UPF2: variants seen among roughly 807,000 people sequenced by gnomAD.
UPF2 encodes the protein UPF2 regulator of nonsense mediated mRNA decay, also known as regulator of nonsense transcripts 2.
UPF2 carries 17 observed loss-of-function variants against 141.4 expected under a neutral mutation model. The observed-to-expected ratio is 0.12, with a 90% CI of 0.08 to 0.18. UPF2 has a LOEUF of 0.18. Ranked by LOEUF, UPF2 falls within the 10% of genes least tolerant of loss-of-function variation. The pLI, the probability that UPF2 is intolerant of heterozygous loss-of-function variation, is 1.00. For missense variants in UPF2, 1,152 were observed against 1,515.9 expected (o/e 0.76, Z 3.99); for synonymous variants, 540 against 498.0 (o/e 1.08, Z -1.12).
Position 11,953,560 on chromosome 10 carries a change from C to T in UPF2, c.2851-1311G>A, listed in dbSNP as rs1349885272. 1.3e-5 allele frequency among the ~76,000 whole-genome samples: 2 copies of T among 152,180 alleles called. No individual in the cohort carries two copies. Among genetic ancestry groups the T allele is most frequent in the Non-Finnish European group, 2.9e-5 (2 of 68,020 alleles). On this transcript the variant is annotated intron_variant, in intron 14 of 21. Coordinates refer to ENST00000357604, the MANE Select transcript of UPF2 (RefSeq NM_015542.4). The surrounding 1 kb of genome is among the most constrained non-coding windows in gnomAD (Gnocchi z 5.0). ...GAAAATATTTTTGTCTCTTTTGGCT[C>T]CTGAATATTTCTGAGTGTTTCTTTT...
chr10:12,024,804 G>A (rs1180262452), intron 3 of UPF2, among the ~76,000 whole-genome samples: 8 of 151,342 alleles, frequency 5.3e-5, no homozygotes, highest in Admixed American at 4.0e-4. Context: ...ATGGTAGCAC[G>A]TGCCTGTAGT....
chr10:12,025,427 T>G (rs1026998634), intron 3 of UPF2, among the ~76,000 whole-genome samples: 1 of 152,108 alleles, frequency 6.6e-6, no homozygotes, highest in African/African-American at 2.4e-5. Context: ...AGCGCAGGCC[T>G]GTAATCCTAG....
At chr10:12,007,074 T>C (rs1384734721) in intron 4 of UPF2, among the ~76,000 whole-genome samples, 7 of 152,208 alleles carry the variant, frequency 4.6e-5, no homozygotes, top group Non-Finnish European at 2.9e-5. Flanking sequence ...GTCTAGGGTA[T>C]TTTGTTACAG....
At chr10:12,037,542 TGTGCC>T (rs1834654539) in intron 1 of UPF2, among the ~76,000 whole-genome samples, 1 of 151,870 alleles carries the variant, frequency 6.6e-6, no homozygotes. Context: ...ATTATAAGTG[TGTGCC>T]ATCACACTCA....
chr10:12,034,969 C>G (rs1834595493), intron 2 of UPF2, 90 bp downstream of exon 2: 1 of 1,493,110 alleles, frequency 6.7e-7, no homozygotes, highest in African/African-American at 1.4e-5. Context: ...GAGCTGCACC[C>G]AGGACGCTAT....
At chr10:12,021,393 G>C (rs998090743) in intron 3 of UPF2, among the ~76,000 whole-genome samples, 2 of 145,148 alleles carry the variant, frequency 1.4e-5, no homozygotes, top group Admixed American at 1.4e-4. Context: ...TTTTAAATTA[G>C]CCAGGTGTGG....
rs763632387 is a variant in UPF2, at chr10:11,952,192, T to C, written c.2908A>G (p.Ile970Val). 8 of 1,613,576 alleles carry C rather than the reference T, an allele frequency of 5.0e-6. No individual in the cohort carries two copies. Among genetic ancestry groups the C allele is most frequent in the African/African-American group, 1.3e-5 (1 of 74,918 alleles). The change falls in exon 15 of 22, where the codon ATT becomes GTT. Residue 970 changes from isoleucine (I) to valine (V), a missense_variant. By Grantham distance (29) the Ile-to-Val change is conservative. This residue lies in a region of UPF2 where 739 missense variants were observed against 1,032.2 expected (regional missense o/e 0.72). Coordinates refer to ENST00000357604, the MANE Select transcript of UPF2 (RefSeq NM_015542.4). ...EVWTKDHPFP[I>V]DIDYMISDTL... ...TCACTGATCATGTAATCTATATCAA[T>C]AGGAAATGGATGGTCTTTTGTCCAA...
intron 16 of UPF2, 115 bp downstream of exon 16, chr10:11,948,247 CAAAAAAA>C (rs139062017): frequency 2.2e-4 from 106 of 472,560 alleles, no homozygotes; most frequent in Middle Eastern, 6.8e-4. Flanking sequence ...GACTCTGTCT[CAAAAAAA>C]AAAAAAAAAA....
chr10:11,923,501 T>A (rs1832671838), intron 21 of UPF2, among the ~76,000 whole-genome samples: 1 of 151,844 alleles, frequency 6.6e-6, no homozygotes. Flanking sequence ...GCCAAGATGG[T>A]GAAACCCCGT....
chr10:11,947,642 C>T (rs577981338), intron 16 of UPF2, among the ~76,000 whole-genome samples: 4 of 151,242 alleles, frequency 2.6e-5, no homozygotes, highest in Non-Finnish European at 4.4e-5. Context: ...AAATAATTAG[C>T]TGGGCATGGT....
chr10:11,938,910 C>CA (rs1471973437), intron 18 of UPF2, among the ~76,000 whole-genome samples: 1 of 131,736 alleles, frequency 7.6e-6, no homozygotes, highest in Non-Finnish European at 1.5e-5. Flanking sequence ...CTGTCCCCCC[C>CA]ATGCAGAGAG....
At chr10:11,990,580 T>C (rs914240054) in intron 8 of UPF2, among the ~76,000 whole-genome samples, 12 of 149,522 alleles carry the variant, frequency 8.0e-5, no homozygotes, top group African/African-American at 2.2e-4. Context: ...CTCAGGAGGC[T>C]GAGGCAGGAG....
intron 8 of UPF2, among the ~76,000 whole-genome samples, chr10:11,995,379 C>T (rs1833849380): frequency 6.6e-6 from 1 of 152,160 alleles, no homozygotes; most frequent in African/African-American, 2.4e-5. Flanking sequence ...ATCTTGTTAC[C>T]TAATTTTATC....
At position 12,035,328 on chromosome 10, in the gene UPF2, G is replaced by A. The variant is rs1389399446; in HGVS notation, c.96C>T (p.Ser32=). ...EKDCSERRTV[S]SKERPKDDIK... Reference sequence around the variant, plus strand: ...TATCGTCTTTTGGCCTCTCCTTGCTGCTCACTGTCCGCCTTTCACTGCAGT... The same window carrying A: ...TATCGTCTTTTGGCCTCTCCTTGCTACTCACTGTCCGCCTTTCACTGCAGT... The change falls in exon 2 of 22, where the codon AGC becomes AGT. Residue 32 remains serine, a synonymous_variant. Transcript: ENST00000357604. 1 of 1,613,352 alleles carries A rather than the reference G, an allele frequency of 6.2e-7. No homozygotes were observed. Among genetic ancestry groups the A allele is most frequent in the East Asian group, 2.2e-5 (1 of 44,878 alleles).
chr10:11,961,418 G>A (rs980983287), intron 11 of UPF2, among the ~76,000 whole-genome samples: 1 of 151,824 alleles, frequency 6.6e-6, no homozygotes, highest in African/African-American at 2.4e-5. Context: ...CACGGGAAGA[G>A]CACGCATGCA....
intron 21 of UPF2, chr10:11,928,732 A>G: frequency 2.8e-6 from 1 of 359,344 alleles, no homozygotes; most frequent in South Asian, 2.1e-5. Flanking sequence ...ACTAAAAACC[A>G]TAAAAGAGGT....
At position 11,967,936 on chromosome 10, in the gene UPF2, C is replaced by G. The variant is rs185467676; in HGVS notation, c.1954-482G>C. ...GTGGCTCACACCTGTAATCCCAGCACTTCAGGAGGCCGAGGTTGGCGGATC... is the reference window on the plus strand; with the variant it reads ...GTGGCTCACACCTGTAATCCCAGCAGTTCAGGAGGCCGAGGTTGGCGGATC... On this transcript the variant is annotated intron_variant, in intron 9 of 21. Coordinates refer to ENST00000357604, the MANE Select transcript of UPF2 (RefSeq NM_015542.4). Among the ~76,000 whole-genome samples the G allele has an allele frequency of 1.5e-3, 228 of 152,288 alleles. 6 individuals are homozygous for G. The East Asian group carries it at 0.038, about 26-fold the overall frequency.
chr10:12,034,640 T>C (rs1834589580), intron 2 of UPF2, among the ~76,000 whole-genome samples: 1 of 152,036 alleles, frequency 6.6e-6, no homozygotes, highest in Admixed American at 6.6e-5. Context: ...ACGCCATCTC[T>C]ACAAAAATAC....
Position 12,035,157 on chromosome 10 carries a change from TTTTTTC to T in UPF2, c.261_266del (p.Lys88_Lys89del). ...GATGTTTCTTTTTTTCTTCCTCTTC[TTTTTTC>T]TTTGATTCTTCCTCTGCCTTCACCT... On this transcript the variant is annotated inframe_deletion, in exon 2 of 22. Transcript: ENST00000357604. The T allele has an allele frequency of 6.2e-7, 1 of 1,606,478 alleles. No homozygotes were observed. Among genetic ancestry groups the T allele is most frequent in the Non-Finnish European group, 8.5e-7 (1 of 1,178,576 alleles).
Sources: allele counts gnomAD v4.1 joint callset (sites outside exome capture counted in the v4.1 genomes callset), GRCh38; gene constraint gnomAD v4.1.1; regional missense constraint gnomAD v4.1.1; non-coding constraint Gnocchi (gnomAD v3.1); transcripts MANE v1.5; gene names NCBI Gene and HGNC (gene_info 2026-07-23, HGNC 2026-07-21).